The following FRMPD4 variants were observed in gnomAD, a reference collection of about 807,000 sequenced individuals.
FRMPD4 encodes FERM and PDZ domain-containing protein 4.
FRMPD4 carries 22 observed loss-of-function variants against 94.1 expected under a neutral mutation model. That is an observed-to-expected ratio of 0.23 (90% CI 0.17 to 0.33). The LOEUF is 0.33. Among genes scored for constraint, FRMPD4 ranks in the 10% least tolerant of loss-of-function variants. The pLI, the probability that FRMPD4 is intolerant of heterozygous loss-of-function variation, is 1.00. For synonymous variants in FRMPD4, 631 were observed against 548.6 expected (o/e 1.15, Z -2.10); for missense variants, 1,111 against 1,339.9 (o/e 0.83, Z 2.67).
rs145536709 is a variant in FRMPD4 at position 12,088,649 on chromosome X, A to G, written c.95+210631A>G. Among the ~76,000 whole-genome samples, 17 of 112,067 alleles carry G rather than the reference A, an allele frequency of 1.5e-4. No homozygotes were observed. In the East Asian group the frequency reaches 4.5e-3, roughly 30 times the overall value. ...ATTGAAGGGTTTTCGTGACAGTCTG[A>G]GTAGAACAGCTGTTCTTTCATTATG... On this transcript the variant is annotated intron_variant, in intron 3 of 18. Transcript: ENST00000640291.
intron 3 of FRMPD4, among the ~76,000 whole-genome samples, chrX:12,123,485 C>A (rs6639147): frequency 0.16 from 17,526 of 110,908 alleles, 1,034 homozygotes; most frequent in South Asian, 0.31. Context: ...ACTCTAGCAT[C>A]TCTCTCCATT....
At chrX:12,482,446 G>T (rs1213535163) in intron 1 of FRMPD4, among the ~76,000 whole-genome samples, 2 of 111,601 alleles carry the variant, frequency 1.8e-5, no homozygotes, top group Non-Finnish European at 1.9e-5. Flanking sequence ...ACAAATATAT[G>T]TGAGTGCCTA....
At chrX:12,149,031 A>G (rs918175636) in intron 1 of FRMPD4, 10 of 111,972 alleles carry the variant, frequency 8.9e-5, no homozygotes, top group African/African-American at 3.3e-4. Context: ...CAAGGAGACT[A>G]ATATTGTTTT....
At chrX:12,598,974 A>G in intron 2 of FRMPD4, among the ~76,000 whole-genome samples, 2 of 112,044 alleles carry the variant, frequency 1.8e-5, no homozygotes. Flanking sequence ...TTCGTGTTTG[A>G]CTCGTGTCTT....
At chrX:12,380,896 G>A (rs1443729434) in intron 1 of FRMPD4, among the ~76,000 whole-genome samples, 4 of 111,880 alleles carry the variant, frequency 3.6e-5, no homozygotes, top group African/African-American at 9.8e-5. Context: ...AGGACAGAGA[G>A]ACAGGCAAAG....
At chrX:12,231,054 T>TATATATATAAAAA (rs1569199838) in intron 1 of FRMPD4, among the ~76,000 whole-genome samples, 8 of 66,931 alleles carry the variant, frequency 1.2e-4, no homozygotes, top group African/African-American at 4.1e-4. Context: ...ATATAAAATA[T>TATATATATAAAAA]ATATATATAT....
intron 2 of FRMPD4, among the ~76,000 whole-genome samples, chrX:12,573,721 C>T (rs921802704): frequency 1.8e-5 from 2 of 112,110 alleles, no homozygotes; most frequent in Admixed American, 1.9e-4. Flanking sequence ...TACTGAAGAT[C>T]CATTCAGGAG....
chrX:12,105,985 C>G (rs2204575), intron 3 of FRMPD4, among the ~76,000 whole-genome samples: 9,335 of 111,869 alleles, frequency 0.083, 894 homozygotes, highest in East Asian at 0.58. Flanking sequence ...GAGCTACACC[C>G]TGAAGGTCAC....
intron 3 of FRMPD4, among the ~76,000 whole-genome samples, chrX:12,127,312 G>A (rs1335346519): frequency 9.0e-6 from 1 of 111,453 alleles, no homozygotes; most frequent in African/African-American, 3.3e-5. Flanking sequence ...CACATGGCTG[G>A]GGAGGCCTCA....
At chrX:12,378,702 T>A (rs977788166) in intron 1 of FRMPD4, among the ~76,000 whole-genome samples, 1 of 112,284 alleles carries the variant, frequency 8.9e-6, no homozygotes, top group African/African-American at 3.2e-5. Flanking sequence ...TGTCTTAGAT[T>A]TTCTTGGCCA....
chrX:12,600,261 G>A (rs753433641), intron 2 of FRMPD4, among the ~76,000 whole-genome samples: 1 of 109,656 alleles, frequency 9.1e-6, no homozygotes, highest in Non-Finnish European at 1.9e-5. Flanking sequence ...GTTGACATTC[G>A]TCTGGAAAGT....
intron 3 of FRMPD4, among the ~76,000 whole-genome samples, chrX:12,037,436 T>C: frequency 8.9e-6 from 1 of 111,882 alleles, no homozygotes; most frequent in South Asian, 3.8e-4. Flanking sequence ...TGGCCCTTGA[T>C]CTGATTTTTG....
At chrX:11,833,675 G>T (rs368356990) in intron 1 of FRMPD4, among the ~76,000 whole-genome samples, 1 of 111,703 alleles carries the variant, frequency 9.0e-6, no homozygotes, top group Non-Finnish European at 1.9e-5. Context: ...CACAGACAAG[G>T]TTCGGTGTGG....
intron 2 of FRMPD4, among the ~76,000 whole-genome samples, chrX:11,875,899 G>T (rs1304049424): frequency 1.2e-3 from 85 of 68,128 alleles, no homozygotes; most frequent in Non-Finnish European, 1.8e-3. Flanking sequence ...TTTTTGAGAT[G>T]GAGTCTCGCT....
chrX:12,211,791 C>T, intron 1 of FRMPD4, among the ~76,000 whole-genome samples: 1 of 112,024 alleles, frequency 8.9e-6, no homozygotes, highest in Non-Finnish European at 1.9e-5. Context: ...TAAAAGTACT[C>T]TTATAAATAT....
At chrX:12,548,103 A>G (rs2058497567) in intron 2 of FRMPD4, among the ~76,000 whole-genome samples, 1 of 112,223 alleles carries the variant, frequency 8.9e-6, no homozygotes, top group African/African-American at 3.2e-5. Context: ...TATTTGTCAC[A>G]TCATTAGTTT....
At chrX:12,681,709 ACACACACACGCACG>A (rs1238222878) in intron 5 of FRMPD4, among the ~76,000 whole-genome samples, 2 of 110,164 alleles carry the variant, frequency 1.8e-5, no homozygotes, top group Non-Finnish European at 3.8e-5. Flanking sequence ...ACACACACAC[ACACACACACGCACG>A]CACACACACG....
At chrX:12,170,092 A>G (rs1041733943) in intron 1 of FRMPD4, among the ~76,000 whole-genome samples, 5 of 110,950 alleles carry the variant, frequency 4.5e-5, no homozygotes, top group African/African-American at 1.3e-4. Context: ...TGAGTATTCC[A>G]TTATTGCCTC....
At chrX:12,017,354 T>A (rs777367713) in intron 3 of FRMPD4, among the ~76,000 whole-genome samples, 1 of 112,881 alleles carries the variant, frequency 8.9e-6, no homozygotes, top group East Asian at 2.8e-4. Context: ...TGCCCATGGC[T>A]GTGTTTATAA....
Sources: gnomAD v4.1 joint callset for allele counts (sites outside exome capture counted in the v4.1 genomes callset) on GRCh38, gnomAD v4.1.1 for gene constraint, MANE v1.5 for transcripts, NCBI Gene and HGNC (gene_info 2026-07-23, HGNC 2026-07-21) for gene names.